Variants in GTF2B observed in about 807,000 individuals in gnomAD.
GTF2B encodes transcription initiation factor IIB.
Under a neutral mutation model 34.6 loss-of-function variants are expected in GTF2B, and 20 were observed. The observed-to-expected ratio is 0.58, with a 90% CI of 0.41 to 0.84. GTF2B has a LOEUF of 0.84. Among genes scored for constraint, GTF2B ranks in the 40% least tolerant of loss-of-function variants. The pLI, the probability that GTF2B is intolerant of heterozygous loss-of-function variation, is 0.00. For missense variants in GTF2B, 237 were observed against 393.3 expected (o/e 0.60, Z 3.36); for synonymous variants, 142 against 132.4 (o/e 1.07, Z -0.50).
chr1:88,866,989 C>T (rs1010066669), intron 2 of GTF2B, among the ~76,000 whole-genome samples: 2 of 152,172 alleles, frequency 1.3e-5, no homozygotes, highest in Non-Finnish European at 1.5e-5. Context: ...TAATAAACAT[C>T]ACTAAACTTA....
chr1:88,886,919 TA>T (rs1266962202), intron 2 of GTF2B, among the ~76,000 whole-genome samples: 1 of 150,592 alleles, frequency 6.6e-6, no homozygotes, highest in African/African-American at 2.5e-5. Context: ...ACATTATTAT[TA>T]TTATTATTTT....
At position 88,887,262 on chromosome 1, in the gene GTF2B, T is replaced by C; in HGVS notation, c.123A>G (p.Val41=). The C allele has an allele frequency of 1.3e-6, 2 of 1,584,800 alleles. No homozygotes were observed. Among genetic ancestry groups the C allele is most frequent in the Non-Finnish European group, 1.7e-6 (2 of 1,153,772 alleles). Residue 41 remains valine (V), a splice_region_variant and synonymous_variant, in exon 2 of 7, where the codon GTA becomes GTG. Coordinates refer to ENST00000370500, the MANE Select transcript of GTF2B (RefSeq NM_001514.6). ...ATTAAAACCATAATAACAACTCACC[T>C]ACAACCAAGCCACATTCAGGACAGA... ...DMICPECGLV[V]GDRVIDVGSE...
At chr1:88,853,393 C>T (rs745427683) in intron 6 of GTF2B, 47 bp from the exon 7 acceptor site, 4 of 1,542,672 alleles carry the variant, frequency 2.6e-6, no homozygotes, top group Non-Finnish European at 3.6e-6. Flanking sequence ...CATCCTACCT[C>T]CTTTCCACTA....
At chr1:88,888,292 C>T (rs1008684578) in intron 1 of GTF2B, among the ~76,000 whole-genome samples, 2 of 152,130 alleles carry the variant, frequency 1.3e-5, no homozygotes, top group African/African-American at 4.8e-5. Context: ...AAATACAATT[C>T]AGAATGTTAA....
intron 2 of GTF2B, among the ~76,000 whole-genome samples, chr1:88,873,152 CAA>C (rs1391463532): frequency 6.8e-6 from 1 of 147,234 alleles, no homozygotes; most frequent in Non-Finnish European, 1.5e-5. Flanking sequence ...ATGACCCAAA[CAA>C]GAGAAACTTC....
chr1:88,856,272 C>CAAAAAACA (rs1673303138), intron 6 of GTF2B, among the ~76,000 whole-genome samples: 12 of 49,962 alleles, frequency 2.4e-4, no homozygotes, highest in African/African-American at 9.8e-4. Context: ...GTTTCAAAAA[C>CAAAAAACA]AAAAAAAAAA....
Position 88,863,998 on chromosome 1 carries a change from A to C in GTF2B, c.241T>G (p.Ser81Ala). ...QNPLLSDGDL[S>A]TMIGKGTGAA... ...CTTATTACCTTGCCAATCATGGTAG[A>C]CAAATCTCCATCACTCAGAAGAGGA... Residue 81 changes from serine to alanine, a missense_variant, in exon 3 of 7, where the codon TCT (serine) becomes GCT (alanine). Coordinates refer to ENST00000370500, the MANE Select transcript of GTF2B (RefSeq NM_001514.6). The C allele has an allele frequency of 6.2e-7, 1 of 1,613,872 alleles. No homozygotes were observed. Among genetic ancestry groups the C allele is most frequent in the Non-Finnish European group, 8.5e-7 (1 of 1,179,734 alleles).
In GTF2B at chr1:88,852,823, C is replaced by A; in HGVS notation, c.*390G>T. On this transcript the variant is annotated 3_prime_UTR_variant, in exon 7 of 7. Coordinates refer to ENST00000370500, the MANE Select transcript of GTF2B (RefSeq NM_001514.6). ...TCCATAAATTTATTAAAATAAAAAA[C>A]TATGTATATATAAGTAATGGAAATA... 1 of 159,966 alleles carries A rather than the reference C, an allele frequency of 6.3e-6. No homozygotes were observed. The highest frequency in any genetic ancestry group is 1.7e-4 in the South Asian group (1 of 5,838). 9.9% of individuals were successfully genotyped at this position (159,966 alleles called of 1,614,324 possible).
At chr1:88,888,621 A>G (rs952849640) in intron 1 of GTF2B, among the ~76,000 whole-genome samples, 1 of 152,190 alleles carries the variant, frequency 6.6e-6, no homozygotes, top group Non-Finnish European at 1.5e-5. Context: ...CTAAGAACTA[A>G]TATCTCTGCA....
In GTF2B at chr1:88,859,981, A is replaced by G. The variant is rs1673398056; in HGVS notation, c.436T>C (p.Tyr146His). ...CTTCCCTTCAGGCTCTTCTGTTCAT[A>G]TACTTGCTTGAATAAATTATTTGTT... is the stretch of plus-strand genomic sequence containing the variant. ...DRTNNLFKQV[Y>H]EQKSLKGRAN... is the part of the protein sequence containing the mutation. Residue 146 changes from tyrosine to histidine, a missense_variant, in exon 5 of 7, where the codon TAT (tyrosine) becomes CAT (histidine). By Grantham distance (83) the Tyr-to-His change is moderately conservative. This residue lies in a region of GTF2B where 29 missense variants were observed against 105.8 expected (regional missense o/e 0.27). Coordinates refer to ENST00000370500, the MANE Select transcript of GTF2B (RefSeq NM_001514.6). The G allele has an allele frequency of 6.2e-7, 1 of 1,613,640 alleles. No individual in the cohort carries two copies. Among genetic ancestry groups the G allele is most frequent in the African/African-American group, 1.3e-5 (1 of 74,924 alleles).
At chr1:88,866,593 AG>A (rs1354823040) in intron 2 of GTF2B, among the ~76,000 whole-genome samples, 1 of 152,128 alleles carries the variant, frequency 6.6e-6, no homozygotes, top group African/African-American at 2.4e-5. Flanking sequence ...TTTCTTGTAG[AG>A]ATGGGGTTTT....
intron 2 of GTF2B, among the ~76,000 whole-genome samples, chr1:88,880,863 G>T (rs1353156563): frequency 6.6e-6 from 1 of 151,968 alleles, no homozygotes; most frequent in Non-Finnish European, 1.5e-5. Flanking sequence ...ACAAAAATTA[G>T]CTGGGAGTGG....
chr1:88,878,432 C>T (rs976507175), intron 2 of GTF2B, among the ~76,000 whole-genome samples: 1 of 152,156 alleles, frequency 6.6e-6, no homozygotes, highest in Non-Finnish European at 1.5e-5. Flanking sequence ...ACAACTATCA[C>T]ATGTTGAATA....
At chr1:88,866,331 G>A (rs1023050922) in intron 2 of GTF2B, among the ~76,000 whole-genome samples, 1 of 152,340 alleles carries the variant, frequency 6.6e-6, no homozygotes, top group South Asian at 2.1e-4. Context: ...TCCAGCCTAG[G>A]TGAGGGAGAC....
intron 2 of GTF2B, among the ~76,000 whole-genome samples, chr1:88,879,037 T>G (rs1383790794): frequency 6.6e-6 from 1 of 152,136 alleles, no homozygotes. Context: ...TGTAAGCCAC[T>G]AAGTTTTGAG....
chr1:88,891,177 G>A (rs1045653460), intron 1 of GTF2B, among the ~76,000 whole-genome samples: 6 of 145,892 alleles, frequency 4.1e-5, no homozygotes, highest in African/African-American at 1.3e-4. Context: ...GAAAATAAAG[G>A]GAGATTGAAA....
In GTF2B at chr1:88,891,542, C is replaced by G; in HGVS notation, c.-43G>C. 1 of 1,577,792 alleles carries G rather than the reference C, an allele frequency of 6.3e-7. No homozygotes were observed. Among genetic ancestry groups the G allele is most frequent in the Non-Finnish European group, 8.7e-7 (1 of 1,155,568 alleles). On this transcript the variant is annotated 5_prime_UTR_variant, in exon 1 of 7. Transcript: ENST00000370500. ...TGCCCGCAACAAGACACAACAGACA[C>G]ACCGAAAGCAGGAAGCGAATGTGGC...
intron 2 of GTF2B, among the ~76,000 whole-genome samples, chr1:88,877,393 C>A (rs1673840235): frequency 1.3e-5 from 2 of 152,286 alleles, no homozygotes; most frequent in East Asian, 1.9e-4. Context: ...TCAAACAACT[C>A]CTCATTGTGA....
At chr1:88,877,654 G>A (rs774738074) in intron 2 of GTF2B, among the ~76,000 whole-genome samples, 7 of 152,192 alleles carry the variant, frequency 4.6e-5, no homozygotes, top group South Asian at 2.1e-4. Flanking sequence ...AGTTTCGGCC[G>A]GACACAGTGG....
Sources: gnomAD v4.1 joint callset for allele counts (sites outside exome capture counted in the v4.1 genomes callset) on GRCh38, gnomAD v4.1.1 for gene constraint, gnomAD v4.1.1 regional missense constraint, MANE v1.5 for transcripts, NCBI Gene and HGNC (gene_info 2026-07-23, HGNC 2026-07-21) for gene names.